Variants in CSMD1 observed in about 807,000 individuals in gnomAD.
The protein encoded by CSMD1 is CUB and sushi domain-containing protein 1.
Under a neutral mutation model 417.5 loss-of-function variants are expected in CSMD1, and 213 were observed. The observed-to-expected ratio is 0.51, with a 90% confidence interval of 0.46 to 0.57. CSMD1 has a LOEUF of 0.57. Ranked by LOEUF, CSMD1 falls within the 20% of genes least tolerant of loss-of-function variation. CSMD1 has a pLI of 0.00. For missense variants in CSMD1, 6,923 were observed against 4,529.7 expected (o/e 1.53, Z -15.17); for synonymous variants, 2,862 against 1,736.8 (o/e 1.65, Z -16.11).
chr8:4,913,182 A>G (rs983772829), intron 1 of CSMD1, among the ~76,000 whole-genome samples: 1 of 152,166 alleles, frequency 6.6e-6, no homozygotes, highest in African/African-American at 2.4e-5. Flanking sequence ...TCTTGCAAAG[A>G]TTAGGTTGGT....
intron 1 of CSMD1, among the ~76,000 whole-genome samples, chr8:4,693,960 T>A (rs1259407408): frequency 6.6e-6 from 1 of 152,222 alleles, no homozygotes. Flanking sequence ...CATCACATAC[T>A]TCAAATTCAG....
chr8:4,251,796 A>AAGATGGAGAAGGAC (rs1563337909), intron 3 of CSMD1, among the ~76,000 whole-genome samples: 1 of 150,300 alleles, frequency 6.7e-6, no homozygotes, highest in Non-Finnish European at 1.5e-5. Context: ...TGGAGGAGGA[A>AAGATGGAGAAGGAC]AGATGGAGAA....
At chr8:4,157,585 G>A (rs987719808) in intron 3 of CSMD1, among the ~76,000 whole-genome samples, 1 of 152,116 alleles carries the variant, frequency 6.6e-6, no homozygotes, top group African/African-American at 2.4e-5. Flanking sequence ...AAGACCCTCT[G>A]CCGGTCATGT....
chr8:4,092,533 T>G (rs4875272), intron 3 of CSMD1, among the ~76,000 whole-genome samples: 152,243 of 152,334 alleles, frequency 1, 76,076 homozygotes, highest in Non-Finnish European at 1. Flanking sequence ...AGAATAGAAG[T>G]ATTTTGGAAA....
rs566754704 is a variant in CSMD1, at chr8:4,031,146, T to A, written c.610+759A>T. Among the ~76,000 whole-genome samples the A allele has an allele frequency of 4.6e-5, 7 of 152,240 alleles. No homozygotes were observed. In the East Asian group the frequency reaches 7.7e-4, roughly 17 times the overall value. On this transcript the variant is annotated intron_variant, in intron 4 of 69. Coordinates refer to ENST00000635120, the MANE Select transcript of CSMD1 (RefSeq NM_033225.6). ...CCAAACTGTTCTAAACTCTGCCTGT[T>A]ATCCAGTTCCAAAGTCGCTTCCACA...
At chr8:3,828,900 G>A (rs138575327) in intron 5 of CSMD1, among the ~76,000 whole-genome samples, 5 of 152,106 alleles carry the variant, frequency 3.3e-5, no homozygotes, top group Non-Finnish European at 7.4e-5. Context: ...GTTCACTGTA[G>A]TGGCCTTCAG....
At chr8:4,209,641 C>T (rs1238895858) in intron 3 of CSMD1, among the ~76,000 whole-genome samples, 1 of 152,088 alleles carries the variant, frequency 6.6e-6, no homozygotes, top group Non-Finnish European at 1.5e-5. Flanking sequence ...GGGGCTTAGC[C>T]TGGGAGGGTT....
At chr8:4,879,632 G>C (rs746832794) in intron 1 of CSMD1, among the ~76,000 whole-genome samples, 1 of 151,998 alleles carries the variant, frequency 6.6e-6, no homozygotes, top group Non-Finnish European at 1.5e-5. Flanking sequence ...AACAGTTAAA[G>C]AGCCAGAATA....
At chr8:4,256,989 G>A (rs1210848008) in intron 3 of CSMD1, among the ~76,000 whole-genome samples, 1 of 152,170 alleles carries the variant, frequency 6.6e-6, no homozygotes. Context: ...TCTGGAAGAA[G>A]TATGTAACTT....
chr8:3,511,181 G>A (rs1242907723), intron 10 of CSMD1, among the ~76,000 whole-genome samples: 1 of 151,708 alleles, frequency 6.6e-6, no homozygotes, highest in African/African-American at 2.4e-5. Context: ...GTTGAACAAT[G>A]AGGACACAAG....
At chr8:3,147,515 C>T (rs1426069146) in intron 40 of CSMD1, among the ~76,000 whole-genome samples, 1 of 152,170 alleles carries the variant, frequency 6.6e-6, no homozygotes, top group Non-Finnish European at 1.5e-5. Flanking sequence ...AATTCATTTC[C>T]TACTTCAGCT....
chr8:4,326,373 T>C (rs1453477849), intron 3 of CSMD1, among the ~76,000 whole-genome samples: 5 of 152,110 alleles, frequency 3.3e-5, no homozygotes, highest in Non-Finnish European at 1.5e-5. Flanking sequence ...ATCACCAATG[T>C]GGCGAGAGGC....
chr8:3,671,512 TG>T (rs1310858920), intron 7 of CSMD1, among the ~76,000 whole-genome samples: 21 of 4,286 alleles, frequency 4.9e-3, no homozygotes, highest in Admixed American at 0.016. Context: ...TATATATATA[TG>T]ATCATATATA....
At chr8:4,908,020 ATTAC>A (rs1383931987) in intron 1 of CSMD1, among the ~76,000 whole-genome samples, 2 of 147,528 alleles carry the variant, frequency 1.4e-5, no homozygotes, top group Admixed American at 1.3e-4. Context: ...TTTTAAAATA[ATTAC>A]TTTTCTTCTG....
At chr8:3,881,594 G>C (rs1164420907) in intron 5 of CSMD1, among the ~76,000 whole-genome samples, 1 of 131,710 alleles carries the variant, frequency 7.6e-6, no homozygotes, top group East Asian at 2.2e-4. Flanking sequence ...GGGTGACAGA[G>C]CAAGACTCCA....
At chr8:3,844,746 G>T (rs1803377052) in intron 5 of CSMD1, among the ~76,000 whole-genome samples, 1 of 152,108 alleles carries the variant, frequency 6.6e-6, no homozygotes, top group Admixed American at 6.5e-5. Context: ...TTGACAATGA[G>T]GTCATGTGAC....
intron 2 of CSMD1, among the ~76,000 whole-genome samples, chr8:4,615,705 A>C (rs932109073): frequency 3.3e-5 from 5 of 152,190 alleles, no homozygotes; most frequent in Admixed American, 3.3e-4. Context: ...CTGTTCTGTT[A>C]ATTTTTTGAA....
chr8:4,259,790 A>C (rs1479392697), intron 3 of CSMD1, among the ~76,000 whole-genome samples: 1 of 152,196 alleles, frequency 6.6e-6, no homozygotes, highest in African/African-American at 2.4e-5. Context: ...TAAAATATTC[A>C]TGTAAATAAT....
chr8:3,417,617 A>AT (rs1172216589), intron 12 of CSMD1, among the ~76,000 whole-genome samples: 2 of 152,176 alleles, frequency 1.3e-5, no homozygotes, highest in African/African-American at 2.4e-5. Flanking sequence ...ACAGATTAAA[A>AT]TGGCCCAGAA....
Sources: allele counts gnomAD v4.1 joint callset (sites outside exome capture counted in the v4.1 genomes callset), GRCh38; gene constraint gnomAD v4.1.1; transcripts MANE v1.5; gene names NCBI Gene and HGNC (gene_info 2026-07-23, HGNC 2026-07-21).